The following TNIP3 variants were observed in gnomAD, a reference collection of about 807,000 sequenced individuals.
TNIP3 encodes the protein TNFAIP3 interacting protein 3.
A neutral mutation model predicts 54.1 loss-of-function variants in TNIP3; 34 were observed. That is an observed-to-expected ratio of 0.63 (90% CI 0.48 to 0.84). TNIP3 has a LOEUF of 0.84. Among genes scored for constraint, TNIP3 ranks in the 40% least tolerant of loss-of-function variants. The pLI is 0.00. For missense variants in TNIP3, 366 were observed against 387.6 expected (o/e 0.94, Z 0.47); for synonymous variants, 134 against 136.8 (o/e 0.98, Z 0.14).
intron 3 of TNIP3, among the ~76,000 whole-genome samples, chr4:121,180,172 G>A (rs113742747): frequency 2.6e-5 from 4 of 152,062 alleles, no homozygotes; most frequent in African/African-American, 2.4e-5. Flanking sequence ...AGGCCGAGGC[G>A]GGTGGATCAA....
intron 2 of TNIP3, among the ~76,000 whole-genome samples, chr4:121,201,686 T>G (rs902549407): frequency 1.3e-5 from 2 of 152,192 alleles, no homozygotes; most frequent in Non-Finnish European, 2.9e-5. Flanking sequence ...CAACTAGCTA[T>G]GATTTGGGCA....
chr4:121,147,874 G>T (rs1729522077), intron 6 of TNIP3, among the ~76,000 whole-genome samples: 1 of 152,086 alleles, frequency 6.6e-6, no homozygotes, highest in Admixed American at 6.5e-5. Flanking sequence ...TTAACTAAAG[G>T]TTTATCAATT....
intron 1 of TNIP3, among the ~76,000 whole-genome samples, chr4:121,223,094 C>T (rs905814812): frequency 5.3e-5 from 8 of 152,132 alleles, no homozygotes; most frequent in African/African-American, 1.7e-4. Context: ...CGCAAGCCAC[C>T]GCGCCCAGCC....
Position 121,150,401 on chromosome 4 carries a change from T to A in TNIP3, c.493-182A>T, listed in dbSNP as rs567407683. 5.3e-5 allele frequency among the ~76,000 whole-genome samples: 8 copies of A among 152,178 alleles called. No homozygotes were observed. In the East Asian group the frequency reaches 1.4e-3, roughly 26 times the overall value. ...CATATATGTATTTTTTTTTTCAGAA[T>A]CTCTGTCTTTTTTCCATGATGATGC... On this transcript the variant is annotated intron_variant, in intron 5 of 10. Transcript: ENST00000057513.
chr4:121,143,515 ATGTAGTGTTGTATATT>A (rs1399956916), intron 7 of TNIP3, among the ~76,000 whole-genome samples: 1 of 152,094 alleles, frequency 6.6e-6, no homozygotes, highest in Non-Finnish European at 1.5e-5. Flanking sequence ...CTGTCCTCTT[ATGTAGTGTTGTATATT>A]TACTGTGTGA....
At chr4:121,157,630 TACACCAGAGA>T (rs1481596617) in intron 3 of TNIP3, among the ~76,000 whole-genome samples, 2 of 152,176 alleles carry the variant, frequency 1.3e-5, no homozygotes, top group Non-Finnish European at 2.9e-5. Flanking sequence ...AGCATATGCC[TACACCAGAGA>T]AAAACAGACA....
intron 8 of TNIP3, among the ~76,000 whole-genome samples, chr4:121,142,300 T>C (rs974157723): frequency 6.6e-6 from 1 of 152,162 alleles, no homozygotes; most frequent in Non-Finnish European, 1.5e-5. Flanking sequence ...AATTAGGAAT[T>C]AGGACAAATA....
upstream of TNIP3, among the ~76,000 whole-genome samples, chr4:121,221,406 A>AGGGG (rs1187911067): frequency 6.6e-6 from 1 of 152,190 alleles, no homozygotes; most frequent in Non-Finnish European, 1.5e-5. Context: ...GTGACTATAA[A>AGGGG]ACTAACCTAA....
At chr4:121,143,599 T>C (rs1314649357) in intron 7 of TNIP3, among the ~76,000 whole-genome samples, 1 of 152,218 alleles carries the variant, frequency 6.6e-6, no homozygotes, top group Non-Finnish European at 1.5e-5. Flanking sequence ...GGTGGTCATA[T>C]TCCATAAAGT....
chr4:121,163,665 A>G (rs1159062007), intron 1 of TNIP3, among the ~76,000 whole-genome samples: 2 of 152,238 alleles, frequency 1.3e-5, no homozygotes, highest in Non-Finnish European at 2.9e-5. Flanking sequence ...TTCAATTAGC[A>G]GTAGTCTCTG....
At chr4:121,198,311 G>A (rs147990845) in intron 2 of TNIP3, among the ~76,000 whole-genome samples, 1,603 of 152,214 alleles carry the variant, frequency 0.011, 30 homozygotes, top group African/African-American at 0.036. Flanking sequence ...GTAAAGAATT[G>A]CATTTAGAGA....
chr4:121,206,261 T>C (rs1726184431), intron 2 of TNIP3, among the ~76,000 whole-genome samples: 1 of 152,166 alleles, frequency 6.6e-6, no homozygotes, highest in Admixed American at 6.5e-5. Context: ...GTAGACATGT[T>C]GATTAGGTAG....
intron 5 of TNIP3, among the ~76,000 whole-genome samples, chr4:121,151,132 C>A (rs1729724738): frequency 6.6e-6 from 1 of 152,176 alleles, no homozygotes; most frequent in Non-Finnish European, 1.5e-5. Context: ...AATATTGTGA[C>A]AGAACACTTC....
chr4:121,160,057 T>C (rs1312044803), intron 2 of TNIP3, among the ~76,000 whole-genome samples: 1 of 152,346 alleles, frequency 6.6e-6, no homozygotes, highest in East Asian at 1.9e-4. Context: ...ATGTGTATAC[T>C]ATAGTAACAT....
At chr4:121,197,577 C>T (rs911655763) in intron 2 of TNIP3, among the ~76,000 whole-genome samples, 8 of 148,534 alleles carry the variant, frequency 5.4e-5, no homozygotes, top group South Asian at 4.3e-4. Flanking sequence ...CTAAAATACA[C>T]ATTTGAAGTA....
intron 6 of TNIP3, 59 bp downstream of exon 6, chr4:121,150,044 G>A: frequency 9.4e-7 from 1 of 1,062,186 alleles, no homozygotes. Flanking sequence ...AATGCCCAAA[G>A]AAGCATGAAA....
At position 121,183,201 on chromosome 4, in the gene TNIP3, G is replaced by T. The variant is rs34899973; in HGVS notation, c.69-405C>A. On this transcript the variant is annotated intron_variant, in intron 2 of 12. Coordinates refer to the TNIP3 transcript ENST00000507879. ...GAAGTTAACTAATTTACTAACTTAA[G>T]TGAAGTCAAACTGAAACATCGGCAG... is the stretch of plus-strand genomic sequence containing the variant. Among the ~76,000 whole-genome samples the T allele has an allele frequency of 9.2e-3, 1,398 of 152,346 alleles. 13 individuals are homozygous for T. The highest frequency in any genetic ancestry group is 0.014 in the Non-Finnish European group (966 of 68,038).
rs111998733 is a variant in TNIP3, at chr4:121,172,448, C to T, written c.190-8302G>A. ...GTGAGGATACAGGCCAATGAAAAAACCCGTAAGAGATAGACTACATCAGTG... is the reference window on the plus strand; with the variant it reads ...GTGAGGATACAGGCCAATGAAAAAATCCGTAAGAGATAGACTACATCAGTG... On this transcript the variant is annotated intron_variant, in intron 3 of 12. Transcript: ENST00000507879. Among the ~76,000 whole-genome samples, 704 of 152,264 alleles carry T rather than the reference C, an allele frequency of 4.6e-3. 4 individuals carry two copies. Among genetic ancestry groups the T allele is most frequent in the African/African-American group, 0.016 (676 of 41,542 alleles).
chr4:121,150,009 T>G, intron 6 of TNIP3, 94 bp downstream of exon 6: 1 of 740,184 alleles, frequency 1.4e-6, no homozygotes, highest in Non-Finnish European at 2.3e-6. Context: ...ACCTTTGACA[T>G]ATTTCTAGCA....
Sources: allele counts gnomAD v4.1 joint callset (sites outside exome capture counted in the v4.1 genomes callset), GRCh38; gene constraint gnomAD v4.1.1; transcripts MANE v1.5; gene names NCBI Gene and HGNC (gene_info 2026-07-23, HGNC 2026-07-21).